The following NR3C1 variants were observed in gnomAD, a reference collection of about 807,000 sequenced individuals.
The protein encoded by NR3C1 is glucocorticoid receptor.
NR3C1 carries 14 observed loss-of-function variants against 74.0 expected under a neutral mutation model. That is an observed-to-expected ratio of 0.19 (90% CI 0.12 to 0.30). The LOEUF (loss-of-function observed/expected upper bound fraction) is 0.30. Among genes scored for constraint, NR3C1 ranks in the 10% least tolerant of loss-of-function variants. The pLI, the probability that NR3C1 is intolerant of heterozygous loss-of-function variation, is 1.00. For missense variants in NR3C1, 695 were observed against 909.8 expected, an observed-to-expected ratio of 0.76 and a Z score of 3.04; for synonymous variants, 308 against 332.5, an observed-to-expected ratio of 0.93 and a Z score of 0.80.
chr5:143,295,651 C>T (rs1817012656), intron 6 of NR3C1, 61 bp from the exon 7 acceptor site: 20 of 1,446,894 alleles, frequency 1.4e-5, no homozygotes, highest in Non-Finnish European at 1.8e-5. Flanking sequence ...CCAAAAAGCA[C>T]ATTTTTGTTT....
rs104893914 is a variant in NR3C1 at position 143,282,714 on chromosome 5, C to T, written c.2035G>A (p.Gly679Ser). The T allele has an allele frequency of 1.9e-6, 3 of 1,613,454 alleles. No individual in the cohort carries two copies. Among genetic ancestry groups the T allele is most frequent in the Non-Finnish European group, 2.5e-6 (3 of 1,179,794 alleles). Residue 679 changes from glycine to serine, a missense_variant, in exon 8 of 9, where the codon GGT (glycine) becomes AGT (serine). By Grantham distance (56) the Gly-to-Ser change is moderately conservative (BLOSUM62 0). Around this residue, in one of 4 missense-constraint regions of NR3C1, gnomAD observed 133 missense variants for 287.9 expected, o/e 0.46. Coordinates refer to ENST00000394464, the MANE Select transcript of NR3C1 (RefSeq NM_000176.3). ...LLLLSSVPKD[G>S]LKSQELFDEI... ...TCAAATAGCTCTTGGCTCTTCAGAC[C>T]GTCCTTAGGAACTAAAAGGTTAAGA...
rs1812725430 is a variant in NR3C1 at position 143,279,041 on chromosome 5, T to C, written c.*2848A>G. 3.0e-6 allele frequency: 1 copy of C among 329,756 alleles called. No homozygotes were observed. The highest frequency in any genetic ancestry group is 3.8e-5 in the South Asian group (1 of 26,532). The allele number at this position is 329,756 out of a possible 1,614,324, so 20.4% of individuals were successfully genotyped here. A position where few individuals can be genotyped will look rare whatever the true frequency, so the allele number is the denominator to read the frequency against. On this transcript the variant is annotated 3_prime_UTR_variant, in exon 9 of 9. Coordinates refer to ENST00000394464, the MANE Select transcript of NR3C1 (RefSeq NM_000176.3). ...CACTAAAAATACTTTTCAGGATTTG[T>C]TGTGAGTAACCAACTCTCACTGAAG...
At chr5:143,358,212 C>CTA (rs1292971649) in intron 2 of NR3C1, among the ~76,000 whole-genome samples, 1 of 152,164 alleles carries the variant, frequency 6.6e-6, no homozygotes, top group African/African-American at 2.4e-5. Flanking sequence ...AACTCCCCAC[C>CTA]TAAGATGTTT....
At chr5:143,297,211 A>G (rs935051914) in intron 6 of NR3C1, among the ~76,000 whole-genome samples, 9 of 152,174 alleles carry the variant, frequency 5.9e-5, no homozygotes, top group African/African-American at 1.7e-4. Flanking sequence ...TTGAGGAAAA[A>G]AAATTATAAA....
At chr5:143,403,092 C>CCGGCG in intron 1 of NR3C1, 119 bp downstream of exon 1, 1 of 812,500 alleles carries the variant, frequency 1.2e-6, no homozygotes, top group Non-Finnish European at 1.5e-6. Flanking sequence ...CCCCCACCCC[C>CCGGCG]ACTCCCCGAG....
Position 143,400,349 on chromosome 5 carries a change from G to A in NR3C1, c.491C>T (p.Ser164Phe). The change falls in exon 2 of 9, where the codon TCT becomes TTT. Residue 164 changes from serine (S) to phenylalanine (F), a missense_variant. Physicochemically the swap from Ser to Phe is radical, Grantham distance 155. Transcript: ENST00000394464. ...KEFPKTHSDV[S>F]SEQQHLKGQT... Reference sequence around the variant, plus strand: ...GCCCTTCAAATGTTGCTGTTCTGAAGATACATCAGAGTGAGTTTTTGGAAA... The same window carrying A: ...GCCCTTCAAATGTTGCTGTTCTGAAAATACATCAGAGTGAGTTTTTGGAAA... The A allele has an allele frequency of 2.5e-6, 4 of 1,614,098 alleles. No individual in the cohort carries two copies. The highest frequency in any genetic ancestry group is 3.4e-6 in the Non-Finnish European group (4 of 1,180,004).
In NR3C1 at chr5:143,279,575, A is replaced by G; in HGVS notation, c.*2314T>C. On this transcript the variant is annotated 3_prime_UTR_variant, in exon 9 of 9. Transcript: ENST00000394464. ...CCCTTTTAGAGAGCATTCAAAAAGC[A>G]AATGATTGTTTTTTTATTAAATAAT... The G allele has an allele frequency of 1.9e-6, 1 of 517,050 alleles. No homozygotes were observed. The highest frequency in any genetic ancestry group is 3.1e-6 in the Non-Finnish European group (1 of 325,246). The allele number at this position is 517,050 out of a possible 1,614,324, so 32.0% of individuals were successfully genotyped here.
At chr5:143,366,574 A>G (rs1833244308) in intron 2 of NR3C1, among the ~76,000 whole-genome samples, 1 of 152,082 alleles carries the variant, frequency 6.6e-6, no homozygotes, top group Admixed American at 6.6e-5. Flanking sequence ...AGACTGACCA[A>G]GAAAAAAAAG....
At chr5:143,372,479 A>G (rs1003378032) in intron 2 of NR3C1, among the ~76,000 whole-genome samples, 1 of 152,240 alleles carries the variant, frequency 6.6e-6, no homozygotes, top group Non-Finnish European at 1.5e-5. Context: ...GGTGGGAAGC[A>G]TAAAATTTAA....
intron 2 of NR3C1, among the ~76,000 whole-genome samples, chr5:143,315,252 T>TC (rs1272975418): frequency 2.2e-4 from 34 of 152,204 alleles, no homozygotes; most frequent in Admixed American, 2.2e-3. Context: ...ACAATGGTTT[T>TC]CAATGTTGTA....
Position 143,278,982 on chromosome 5 carries a change from C to A in NR3C1, c.*2907G>T, listed in dbSNP as rs1812715864. On this transcript the variant is annotated 3_prime_UTR_variant, in exon 9 of 9. Coordinates refer to ENST00000394464, the MANE Select transcript of NR3C1 (RefSeq NM_000176.3). ...GTGTTATGTCCTAAGTGCCTCAGTT[C>A]TGCTTGTATAGTATCCCACAGAATA... 4.8e-6 allele frequency: 1 copy of A among 207,718 alleles called. No homozygotes were observed. The highest frequency in any genetic ancestry group is 2.4e-5 in the African/African-American group (1 of 41,950). The allele number at this position is 207,718 out of a possible 1,614,324, so 12.9% of individuals were successfully genotyped here. A position where few individuals can be genotyped will look rare whatever the true frequency, so the allele number is the denominator to read the frequency against.
chr5:143,302,609 C>A (rs1329120032), intron 4 of NR3C1, among the ~76,000 whole-genome samples: 2 of 151,814 alleles, frequency 1.3e-5, no homozygotes, highest in Non-Finnish European at 2.9e-5. Flanking sequence ...TAAAAAAAAA[C>A]ATTTTCTATG....
At chr5:143,404,578 T>G, upstream of NR3C1, 3 of 938,290 alleles carry the variant, frequency 3.2e-6, no homozygotes, top group Non-Finnish European at 3.7e-6. Flanking sequence ...AGGCGCCGCC[T>G]GCCAAGTTCA....
chr5:143,328,829 G>A (rs1825233994), intron 2 of NR3C1, among the ~76,000 whole-genome samples: 1 of 152,090 alleles, frequency 6.6e-6, no homozygotes, highest in Non-Finnish European at 1.5e-5. Context: ...TCATCTCTGG[G>A]ACCATTTCAG....
intron 2 of NR3C1, among the ~76,000 whole-genome samples, chr5:143,344,534 T>G (rs761079621): frequency 1.3e-5 from 2 of 152,132 alleles, no homozygotes; most frequent in African/African-American, 2.4e-5. Flanking sequence ...GGCAGGTCTT[T>G]GAATAATGTT....
At chr5:143,282,767 CTTTT>C (rs751305309) in intron 7 of NR3C1, 42 bp from the exon 8 acceptor site, 5 of 1,480,140 alleles carry the variant, frequency 3.4e-6, no homozygotes, top group Non-Finnish European at 4.5e-6. Context: ...TTTTCTTTTT[CTTTT>C]CTTTTCTTTT....
At position 143,403,558 on chromosome 5, in the gene NR3C1, G is replaced by C; in HGVS notation, c.-361C>G. The C allele has an allele frequency of 2.0e-6, 2 of 985,872 alleles. No individual in the cohort carries two copies. The highest frequency in any genetic ancestry group is 4.7e-5 in the South Asian group (1 of 21,300). The allele number at this position is 985,872 out of a possible 1,614,324, so 61.1% of individuals were successfully genotyped here. On this transcript the variant is annotated 5_prime_UTR_variant, in exon 1 of 9. Coordinates refer to ENST00000394464, the MANE Select transcript of NR3C1 (RefSeq NM_000176.3). ...CCCCGACGGGCAGGCGGTGACTCGG[G>C]CTCCCGTCACAGACACGAGCTCGCA...
intron 2 of NR3C1, among the ~76,000 whole-genome samples, chr5:143,329,043 C>T (rs1599998297): frequency 6.6e-6 from 1 of 152,122 alleles, no homozygotes; most frequent in African/African-American, 2.4e-5. Flanking sequence ...CTGCCAGTAC[C>T]AATTCTCTGT....
At chr5:143,387,066 A>G (rs1376463975) in intron 2 of NR3C1, among the ~76,000 whole-genome samples, 1 of 152,220 alleles carries the variant, frequency 6.6e-6, no homozygotes, top group Non-Finnish European at 1.5e-5. Context: ...AACTAGAGAA[A>G]CAATTAGGAG....
Sources: allele counts gnomAD v4.1 joint callset (sites outside exome capture counted in the v4.1 genomes callset), GRCh38; gene constraint gnomAD v4.1.1; regional missense constraint gnomAD v4.1.1; transcripts MANE v1.5; gene names NCBI Gene and HGNC (gene_info 2026-07-23, HGNC 2026-07-21).